The following ELK3 variants were observed in gnomAD, a reference collection of about 807,000 sequenced individuals.
ELK3 encodes ETS transcription factor ELK3.
A neutral mutation model predicts 28.9 loss-of-function variants in ELK3; 10 were observed. That is an observed-to-expected ratio of 0.35 (90% CI 0.21 to 0.59). The LOEUF (loss-of-function observed/expected upper bound fraction) is 0.59. Ranked by LOEUF, ELK3 falls within the 20% of genes least tolerant of loss-of-function variation. ELK3 has a pLI of 0.82. For missense variants in ELK3, 463 were observed against 517.3 expected (o/e 0.90, Z 1.02); for synonymous variants, 272 against 243.5 (o/e 1.12, Z -1.09).
intron 1 of ELK3, among the ~76,000 whole-genome samples, chr12:96,216,117 A>G (rs1257770842): frequency 6.6e-6 from 1 of 152,090 alleles, no homozygotes; most frequent in Non-Finnish European, 1.5e-5. Flanking sequence ...GCCCTCCTGT[A>G]GGGCCCCATC....
intron 3 of ELK3, among the ~76,000 whole-genome samples, chr12:96,258,337 C>T (rs150460652): frequency 2.4e-4 from 37 of 152,340 alleles, no homozygotes; most frequent in African/African-American, 6.5e-4. Flanking sequence ...ATGGAACCAA[C>T]GACTCAAATA....
chr12:96,203,123 C>T (rs1306656545), intron 1 of ELK3, among the ~76,000 whole-genome samples: 3 of 152,122 alleles, frequency 2.0e-5, no homozygotes, highest in African/African-American at 7.2e-5. Context: ...CCTCGTGATC[C>T]ACCCGCCTCA....
At chr12:96,261,410 G>A (rs1420093217) in intron 4 of ELK3, among the ~76,000 whole-genome samples, 1 of 152,184 alleles carries the variant, frequency 6.6e-6, no homozygotes, top group African/African-American at 2.4e-5. Flanking sequence ...AGCAAATGTT[G>A]TATTAGGAAA....
chr12:96,256,271 C>G (rs913572866), intron 3 of ELK3, among the ~76,000 whole-genome samples: 1 of 152,146 alleles, frequency 6.6e-6, no homozygotes, highest in African/African-American at 2.4e-5. Flanking sequence ...TTGCAGTTAT[C>G]GGAAGGCATT....
intron 3 of ELK3, among the ~76,000 whole-genome samples, chr12:96,253,197 T>C (rs572633877): frequency 6.6e-6 from 1 of 152,158 alleles, no homozygotes; most frequent in East Asian, 1.9e-4. Flanking sequence ...GAGGTGGAGG[T>C]TGTGATGAGC....
chr12:96,264,046 G>A (rs1234303260), intron 4 of ELK3, among the ~76,000 whole-genome samples: 2 of 152,094 alleles, frequency 1.3e-5, no homozygotes, highest in Admixed American at 1.3e-4. Flanking sequence ...GCACAATCTC[G>A]GCTCACTGCA....
Position 96,269,374 on chromosome 12 carries a change from A to C in ELK3, c.*2194A>C, listed in dbSNP as rs1444771650. On this transcript the variant is annotated 3_prime_UTR_variant, in exon 5 of 5. Coordinates refer to ENST00000228741, the MANE Select transcript of ELK3 (RefSeq NM_005230.4). ...AGTATACTTGTTTACGTAAATGCTG[A>C]TTGGAAATATTTAAATGACTATAGA... 5 of 152,238 alleles carry C rather than the reference A, an allele frequency of 3.3e-5. No homozygotes were observed. The highest frequency in any genetic ancestry group is 1.2e-4 in the African/African-American group (5 of 41,452). The allele number at this position is 152,238 out of a possible 1,614,324, so 9.4% of individuals were successfully genotyped here.
chr12:96,224,755 T>A (rs1450924324), intron 2 of ELK3, among the ~76,000 whole-genome samples: 1 of 152,238 alleles, frequency 6.6e-6, no homozygotes, highest in East Asian at 1.9e-4. Context: ...ATATTTAGCC[T>A]CTAAGACATA....
At chr12:96,226,207 C>T (rs946001291) in intron 2 of ELK3, among the ~76,000 whole-genome samples, 2 of 152,142 alleles carry the variant, frequency 1.3e-5, no homozygotes, top group Admixed American at 6.5e-5. Flanking sequence ...TCAGGTAGAG[C>T]CCAAGGTCAG....
intron 2 of ELK3, 83 bp downstream of exon 2, chr12:96,223,856 C>G (rs191256693): frequency 2.5e-5 from 34 of 1,362,986 alleles, no homozygotes; most frequent in Non-Finnish European, 3.4e-5. Flanking sequence ...AAAATAATAG[C>G]GTGCTATGAA....
chr12:96,239,938 A>G (rs1254286614), intron 2 of ELK3, among the ~76,000 whole-genome samples: 1 of 152,266 alleles, frequency 6.6e-6, no homozygotes, highest in Non-Finnish European at 1.5e-5. Flanking sequence ...TGCGGCCAGC[A>G]TCTAAGCGGA....
intron 2 of ELK3, among the ~76,000 whole-genome samples, chr12:96,242,978 G>A (rs1223015648): frequency 6.6e-6 from 1 of 152,000 alleles, no homozygotes; most frequent in Non-Finnish European, 1.5e-5. Flanking sequence ...AAAACTCTTG[G>A]TGTCCTCTCT....
chr12:96,260,554 C>G lies in ELK3; in HGVS notation c.1125+701C>G, dbSNP rs765711473. ...GCTTTATCTTATAGAACTCTCCATA[C>G]TAGGCGAGCACCTTCATTATTCATT... On this transcript the variant is annotated intron_variant, in intron 4 of 4. Transcript: ENST00000228741. Among the ~76,000 whole-genome samples the G allele has an allele frequency of 4.0e-5, 6 of 150,762 alleles. No homozygotes were observed. In the Admixed American group the frequency reaches 4.1e-4, roughly 10 times the overall value.
chr12:96,223,796 G>T (rs754086796), intron 2 of ELK3, 23 bp downstream of exon 2: 3 of 1,611,580 alleles, frequency 1.9e-6, no homozygotes, highest in Admixed American at 1.7e-5. Context: ...CCTTGCATGG[G>T]GCCGTCTTGG....
chr12:96,246,616 G>A (rs1022201399), intron 2 of ELK3, among the ~76,000 whole-genome samples: 12 of 152,184 alleles, frequency 7.9e-5, no homozygotes, highest in African/African-American at 2.9e-4. Context: ...AGCCATGTTC[G>A]TGCCACTGCA....
intron 4 of ELK3, among the ~76,000 whole-genome samples, chr12:96,266,584 T>C (rs1257843043): frequency 6.6e-6 from 1 of 152,194 alleles, no homozygotes; most frequent in Non-Finnish European, 1.5e-5. Context: ...TTTAAATACA[T>C]TTCTTACTTT....
Position 96,240,809 on chromosome 12 carries a change from C to T in ELK3, c.208-6131C>T, listed in dbSNP as rs75321126. The stretch of plus-strand genomic sequence containing the variant: ...GGCCAGACCAGAATGACGAGGAACT[C>T]GCCACAGGCCTGGCTCCTCGCGGGG... On this transcript the variant is annotated intron_variant, in intron 2 of 4. Transcript: ENST00000228741. 7.8e-3 allele frequency among the ~76,000 whole-genome samples: 1,182 copies of T among 152,274 alleles called. 52 individuals are homozygous for T. The highest frequency in any genetic ancestry group is 6.2e-3 in the East Asian group (32 of 5,190).
chr12:96,229,035 G>A (rs980024452), intron 2 of ELK3, among the ~76,000 whole-genome samples: 4 of 152,274 alleles, frequency 2.6e-5, no homozygotes, highest in Admixed American at 1.3e-4. Flanking sequence ...TGACTTCATC[G>A]TGGCCTTCTG....
intron 1 of ELK3, among the ~76,000 whole-genome samples, chr12:96,222,084 A>G (rs929948671): frequency 6.6e-6 from 1 of 152,080 alleles, no homozygotes; most frequent in East Asian, 1.9e-4. Flanking sequence ...CACTCACAAC[A>G]GTTGATCCGT....
Sources: allele counts gnomAD v4.1 joint callset (sites outside exome capture counted in the v4.1 genomes callset), GRCh38; gene constraint gnomAD v4.1.1; transcripts MANE v1.5; gene names NCBI Gene and HGNC (gene_info 2026-07-23, HGNC 2026-07-21).